PIK3C2A: variants seen among roughly 807,000 people sequenced by gnomAD.
The protein encoded by PIK3C2A is phosphatidylinositol-4-phosphate 3-kinase catalytic subunit type 2 alpha, also known as phosphatidylinositol 4-phosphate 3-kinase C2 domain-containing subunit alpha.
PIK3C2A carries 97 observed loss-of-function variants against 204.5 expected under a neutral mutation model. That is an observed-to-expected ratio of 0.47 (90% CI 0.40 to 0.56). The LOEUF is 0.56. Among genes scored for constraint, PIK3C2A ranks in the 20% least tolerant of loss-of-function variants. The pLI is 0.00. For missense variants in PIK3C2A, 1,735 were observed against 1,969.2 expected (o/e 0.88, Z 2.25); for synonymous variants, 653 against 664.4 (o/e 0.98, Z 0.26).
chr11:17,193,430 A>G, intron 1 of PIK3C2A: 1 of 315,430 alleles, frequency 3.2e-6, no homozygotes, highest in Non-Finnish European at 6.1e-6. Context: ...CAACTTAAAA[A>G]TTGCTGAATA....
At chr11:17,104,533 G>A (rs149332642) in intron 23 of PIK3C2A, among the ~76,000 whole-genome samples, 189 of 152,054 alleles carry the variant, frequency 1.2e-3, no homozygotes, top group African/African-American at 4.3e-3. Flanking sequence ...AGACCATCCC[G>A]GCTAACACAG....
chr11:17,133,711 T>C (rs1289922027), intron 11 of PIK3C2A, among the ~76,000 whole-genome samples: 1 of 152,118 alleles, frequency 6.6e-6, no homozygotes. Context: ...GCAGATCACT[T>C]GAGGTCAGGA....
At chr11:17,106,894 A>G (rs1848838271) in intron 22 of PIK3C2A, among the ~76,000 whole-genome samples, 2 of 152,242 alleles carry the variant, frequency 1.3e-5, no homozygotes, top group African/African-American at 4.8e-5. Context: ...AGCACTTTCG[A>G]AAGGAAGAAG....
Position 17,156,334 on chromosome 11 carries a change from G to A in PIK3C2A, c.1066-705C>T, listed in dbSNP as rs11024173. ...TCAAAATTCAGTGAGAACAAAGTGCGTATATTTCAAGAGCTATAACAGATT... is the reference window on the plus strand; with the variant it reads ...TCAAAATTCAGTGAGAACAAAGTGCATATATTTCAAGAGCTATAACAGATT... On this transcript the variant is annotated intron_variant, in intron 2 of 32. Transcript: ENST00000691414. Among the ~76,000 whole-genome samples the A allele has an allele frequency of 9.9e-3, 1,506 of 152,242 alleles. 207 individuals are homozygous for A. The East Asian group carries it at 0.26, about 26-fold the overall frequency.
chr11:17,180,518 CAACAAAAAACA>C (rs1851505434), intron 1 of PIK3C2A, among the ~76,000 whole-genome samples: 1 of 115,418 alleles, frequency 8.7e-6, no homozygotes, highest in Non-Finnish European at 1.8e-5. Flanking sequence ...ACAACAACAA[CAACAAAAAACA>C]AAAAAAAAAA....
At chr11:17,114,550 T>A in intron 19 of PIK3C2A, 85 bp from the exon 20 acceptor site, 1 of 654,294 alleles carries the variant, frequency 1.5e-6, no homozygotes. Flanking sequence ...ATACAATTTA[T>A]AAAATGCCCA....
chr11:17,115,269 A>T (rs1188998463), intron 19 of PIK3C2A, among the ~76,000 whole-genome samples: 1 of 151,650 alleles, frequency 6.6e-6, no homozygotes, highest in Non-Finnish European at 1.5e-5. Flanking sequence ...TGGATGGCTC[A>T]TATCTATAAT....
intron 1 of PIK3C2A, among the ~76,000 whole-genome samples, chr11:17,195,949 G>C (rs1293465990): frequency 6.6e-6 from 1 of 151,878 alleles, no homozygotes; most frequent in Non-Finnish European, 1.5e-5. Flanking sequence ...TGAGGCAGGA[G>C]AATGGCATGA....
intron 2 of PIK3C2A, among the ~76,000 whole-genome samples, chr11:17,158,296 C>G (rs1967077): frequency 0.27 from 39,990 of 150,636 alleles, 6,007 homozygotes; most frequent in African/African-American, 0.38. Flanking sequence ...TGCAGTGAGC[C>G]GAGATCGTGC....
chr11:17,168,187 T>G (rs1487229119), intron 2 of PIK3C2A, among the ~76,000 whole-genome samples: 2 of 152,218 alleles, frequency 1.3e-5, no homozygotes, highest in Non-Finnish European at 2.9e-5. Flanking sequence ...ATTTTTCAAT[T>G]GGCCTAATCA....
Position 17,201,629 on chromosome 11 carries a change from T to C in PIK3C2A, c.-66+6219A>G, listed in dbSNP as rs1273100914. ...AAGTTTTCCCTTAAGTTGTTCTCTG[T>C]GCATTGAAATAACACTATCCTTAAC... On this transcript the variant is annotated intron_variant, in intron 1 of 32. Coordinates refer to ENST00000691414, the MANE Select transcript of PIK3C2A (RefSeq NM_002645.4). Among the ~76,000 whole-genome samples the C allele has an allele frequency of 4.6e-5, 7 of 152,060 alleles. No individual in the cohort carries two copies. In the South Asian group the frequency reaches 6.2e-4, roughly 14 times the overall value.
intron 32 of PIK3C2A, among the ~76,000 whole-genome samples, chr11:17,091,022 C>T (rs184812925): frequency 2.0e-5 from 3 of 151,784 alleles, no homozygotes; most frequent in East Asian, 1.9e-4. Flanking sequence ...GCTAGGATTA[C>T]AGGCATGAGC....
chr11:17,144,669 A>G (rs1468469318), intron 8 of PIK3C2A, among the ~76,000 whole-genome samples: 1 of 151,868 alleles, frequency 6.6e-6, no homozygotes, highest in African/African-American at 2.4e-5. Context: ...CCAAGGTGGG[A>G]GGATCACTTG....
Position 17,105,152 on chromosome 11 carries a change from G to A in PIK3C2A, c.3681+17C>T. 1.3e-6 allele frequency: 2 copies of A among 1,596,004 alleles called. No individual in the cohort carries two copies. Among genetic ancestry groups the A allele is most frequent in the East Asian group, 2.2e-5 (1 of 44,744 alleles). ...TTTTTGACAAAGCTTTTTAGAATGAGGAGACATGCTAATTACCTTTTCATA... is the reference window on the plus strand; with the variant it reads ...TTTTTGACAAAGCTTTTTAGAATGAAGAGACATGCTAATTACCTTTTCATA... On this transcript the variant is annotated intron_variant, in intron 23 of 32. Coordinates refer to ENST00000691414, the MANE Select transcript of PIK3C2A (RefSeq NM_002645.4).
At chr11:17,167,927 T>C (rs1027212868) in intron 2 of PIK3C2A, among the ~76,000 whole-genome samples, 3 of 152,152 alleles carry the variant, frequency 2.0e-5, no homozygotes, top group Non-Finnish European at 4.4e-5. Context: ...TCTGGGGTTA[T>C]TTATTCATTG....
chr11:17,192,330 C>G (rs1294849966), intron 1 of PIK3C2A, among the ~76,000 whole-genome samples: 1 of 152,132 alleles, frequency 6.6e-6, no homozygotes, highest in African/African-American at 2.4e-5. Flanking sequence ...ATTTAACAAG[C>G]TGAATAAGCT....
rs771155597 is a variant in PIK3C2A, at chr11:17,091,657, C to T, written c.4643-1G>A. On this transcript the variant is annotated splice_acceptor_variant, in intron 30 of 32. Transcript: ENST00000691414. LOFTEE classifies it high-confidence loss of function. ...GGAGTAGGACTGAAGGAACCTGCATCTGAAAATACAAATATTTTCATCTTT... is the reference window on the plus strand; with the variant it reads ...GGAGTAGGACTGAAGGAACCTGCATTTGAAAATACAAATATTTTCATCTTT... 4 of 1,545,262 alleles carry T rather than the reference C, an allele frequency of 2.6e-6. No homozygotes were observed. The African/African-American group carries it at 5.5e-5, about 21-fold the overall frequency.
intron 1 of PIK3C2A, among the ~76,000 whole-genome samples, chr11:17,178,341 T>C (rs1851410523): frequency 1.3e-5 from 2 of 152,072 alleles, no homozygotes; most frequent in South Asian, 4.2e-4. Context: ...GACAAAGGTA[T>C]CTAGTGAACA....
intron 13 of PIK3C2A, among the ~76,000 whole-genome samples, 153 bp downstream of exon 13, chr11:17,129,147 T>G (rs1341958591): frequency 6.6e-6 from 1 of 152,226 alleles, no homozygotes; most frequent in Non-Finnish European, 1.5e-5. Context: ...CTCTAATCTG[T>G]GTCTCTGAAC....
Sources: allele counts gnomAD v4.1 joint callset (sites outside exome capture counted in the v4.1 genomes callset), GRCh38; gene constraint gnomAD v4.1.1; transcripts MANE v1.5; gene names NCBI Gene and HGNC (gene_info 2026-07-23, HGNC 2026-07-21).